The following MGAT4C variants were observed in gnomAD, a reference collection of about 807,000 sequenced individuals.
MGAT4C encodes the protein alpha-1,3-mannosyl-glycoprotein 4-beta-N-acetylglucosaminyltransferase C.
A neutral mutation model predicts 40.1 loss-of-function variants in MGAT4C; 19 were observed. That is an observed-to-expected ratio of 0.47 (90% CI 0.33 to 0.70). The LOEUF is 0.70. MGAT4C is among the 30% of genes least tolerant of loss of function. The pLI is 0.02. For missense variants in MGAT4C, 491 were observed against 563.2 expected (o/e 0.87, Z 1.30); for synonymous variants, 181 against 187.1 (o/e 0.97, Z 0.27).
chr12:86,336,464 T>G (rs1954795472), intron 3 of MGAT4C, among the ~76,000 whole-genome samples: 1 of 152,220 alleles, frequency 6.6e-6, no homozygotes, highest in Non-Finnish European at 1.5e-5. Flanking sequence ...TTCAGTGCTG[T>G]GCAAGGTATG....
At chr12:86,731,614 T>C (rs1192270109) in intron 1 of MGAT4C, among the ~76,000 whole-genome samples, 1 of 152,068 alleles carries the variant, frequency 6.6e-6, no homozygotes, top group Non-Finnish European at 1.5e-5. Context: ...ATTAGGAGGC[T>C]CCAGCTTGTG....
At chr12:86,405,544 T>C (rs992337013) in intron 3 of MGAT4C, among the ~76,000 whole-genome samples, 1 of 152,010 alleles carries the variant, frequency 6.6e-6, no homozygotes, top group Non-Finnish European at 1.5e-5. Flanking sequence ...GTAGTAAAGA[T>C]TTCAACTCTC....
intron 3 of MGAT4C, among the ~76,000 whole-genome samples, chr12:86,396,445 A>T (rs986984056): frequency 2.6e-5 from 4 of 152,220 alleles, no homozygotes; most frequent in Non-Finnish European, 5.9e-5. Context: ...CTATGCTCAC[A>T]CATCTCTAGG....
chr12:86,231,650 C>T (rs1045192662), intron 1 of MGAT4C, among the ~76,000 whole-genome samples: 7 of 152,046 alleles, frequency 4.6e-5, no homozygotes, highest in Non-Finnish European at 1.0e-4. Flanking sequence ...ATTTATTCCT[C>T]TTTCATTTAA....
intron 1 of MGAT4C, among the ~76,000 whole-genome samples, chr12:86,123,521 G>T (rs1231877942): frequency 1.3e-5 from 2 of 151,954 alleles, no homozygotes; most frequent in Admixed American, 6.6e-5. Context: ...AACTATATTT[G>T]CTATACTGGA....
intron 2 of MGAT4C, among the ~76,000 whole-genome samples, chr12:86,450,896 A>G (rs1272447733): frequency 6.6e-6 from 1 of 152,176 alleles, no homozygotes; most frequent in East Asian, 1.9e-4. Context: ...ATACTTTTAT[A>G]TATGAGTAGA....
intron 2 of MGAT4C, among the ~76,000 whole-genome samples, chr12:86,026,533 G>A (rs1393566087): frequency 6.6e-6 from 1 of 151,678 alleles, no homozygotes; most frequent in African/African-American, 2.4e-5. Flanking sequence ...CACTCCCTTA[G>A]TTCCAAATAC....
chr12:86,001,566 G>GCTC, intron 2 of MGAT4C: 3 of 902,712 alleles, frequency 3.3e-6, no homozygotes, highest in Non-Finnish European at 4.0e-6. Context: ...CTGAGCCAGT[G>GCTC]CTCCAAATGA....
At chr12:86,128,624 C>G (rs970522591) in intron 1 of MGAT4C, among the ~76,000 whole-genome samples, 1 of 152,204 alleles carries the variant, frequency 6.6e-6, no homozygotes. Flanking sequence ...TATCAAAATA[C>G]GTGGATCTGT....
intron 4 of MGAT4C, among the ~76,000 whole-genome samples, chr12:86,313,933 A>C (rs1367971432): frequency 6.6e-6 from 1 of 152,228 alleles, no homozygotes; most frequent in Non-Finnish European, 1.5e-5. Flanking sequence ...GGACCTAAGT[A>C]GTAGTTGGAA....
intron 1 of MGAT4C, among the ~76,000 whole-genome samples, chr12:86,233,682 C>T (rs1037283938): frequency 2.0e-5 from 3 of 151,836 alleles, no homozygotes; most frequent in Non-Finnish European, 2.9e-5. Context: ...ATTAGGAATT[C>T]CCTTTCTAAA....
intron 2 of MGAT4C, among the ~76,000 whole-genome samples, chr12:86,487,936 G>T (rs1424946248): frequency 2.0e-5 from 3 of 152,090 alleles, no homozygotes; most frequent in Non-Finnish European, 2.9e-5. Context: ...TTTGAATGTG[G>T]AATGTTATTT....
At chr12:86,449,634 C>T (rs965694733) in intron 2 of MGAT4C, among the ~76,000 whole-genome samples, 3 of 152,108 alleles carry the variant, frequency 2.0e-5, no homozygotes, top group Non-Finnish European at 4.4e-5. Context: ...CATAAAATAA[C>T]TAAGTCTGTT....
chr12:86,446,296 C>CAA, intron 2 of MGAT4C, among the ~76,000 whole-genome samples: 1 of 151,826 alleles, frequency 6.6e-6, no homozygotes, highest in East Asian at 1.9e-4. Flanking sequence ...AAAACAAAGT[C>CAA]ATTTGAATAA....
intron 1 of MGAT4C, among the ~76,000 whole-genome samples, chr12:86,120,646 C>T (rs1879231800): frequency 6.6e-6 from 1 of 152,192 alleles, no homozygotes; most frequent in African/African-American, 2.4e-5. Flanking sequence ...AGTGGACCTC[C>T]AGCAAACTCC....
At chr12:86,486,213 A>G (rs1410571841) in intron 2 of MGAT4C, among the ~76,000 whole-genome samples, 3 of 152,140 alleles carry the variant, frequency 2.0e-5, no homozygotes, top group African/African-American at 7.2e-5. Flanking sequence ...ACATATCAAT[A>G]CTACCCTGGA....
intron 1 of MGAT4C, among the ~76,000 whole-genome samples, chr12:86,829,583 A>C (rs1952878069): frequency 6.6e-6 from 1 of 151,302 alleles, no homozygotes; most frequent in Admixed American, 6.6e-5. Context: ...TATTTCAAAC[A>C]AAAAAAATCA....
chr12:86,696,019 G>C (rs547667675), intron 2 of MGAT4C, among the ~76,000 whole-genome samples: 22 of 151,984 alleles, frequency 1.4e-4, no homozygotes, highest in African/African-American at 4.8e-4. Flanking sequence ...AGACCATCCT[G>C]GCCAACATGG....
rs1283027885 is a variant in MGAT4C at position 85,979,886 on chromosome 12, A to G, written c.840T>C (p.Tyr280=). The change falls in exon 5 of 5, where the codon TAT becomes TAC. Residue 280 remains tyrosine, a synonymous_variant. Transcript: ENST00000611864. ...PRLAHFLLMF[Y]QEMPCDWLLT... ...ATAGCCAATCACAAGGCATTTCTTGATAAAACATTAATAAAAAATGGGCCA... is the reference window on the plus strand; with the variant it reads ...ATAGCCAATCACAAGGCATTTCTTGGTAAAACATTAATAAAAAATGGGCCA... The G allele has an allele frequency of 1.2e-6, 2 of 1,613,712 alleles. No homozygotes were observed. Among genetic ancestry groups the G allele is most frequent in the Admixed American group, 1.7e-5 (1 of 59,932 alleles).
Sources: allele counts gnomAD v4.1 joint callset (sites outside exome capture counted in the v4.1 genomes callset), GRCh38; gene constraint gnomAD v4.1.1; transcripts MANE v1.5; gene names NCBI Gene and HGNC (gene_info 2026-07-23, HGNC 2026-07-21).